Variants in PHIP observed in about 807,000 individuals in gnomAD.
The protein encoded by PHIP is PH-interacting protein.
A neutral mutation model predicts 236.8 loss-of-function variants in PHIP; 54 were observed. That is an observed-to-expected ratio of 0.23 (90% CI 0.18 to 0.29). The LOEUF (loss-of-function observed/expected upper bound fraction) is 0.29, where lower values mean the gene tolerates loss of function less well. Among genes scored for constraint, PHIP ranks in the 10% least tolerant of loss-of-function variants. The pLI is 1.00. For missense variants in PHIP, 1,370 were observed against 2,190.8 expected, an observed-to-expected ratio of 0.63 and a Z score of 7.48; for synonymous variants, 756 against 718.9, an observed-to-expected ratio of 1.05 and a Z score of -0.83.
At chr6:78,963,485 T>G (rs1385817566) in intron 29 of PHIP, among the ~76,000 whole-genome samples, 1 of 152,126 alleles carries the variant, frequency 6.6e-6, no homozygotes, top group African/African-American at 2.4e-5. Flanking sequence ...AAATTATACC[T>G]GAAAATCTGC....
chr6:79,067,628 C>G (rs1349657853), intron 4 of PHIP: 1 of 152,254 alleles, frequency 6.6e-6, no homozygotes. Context: ...TAATGGCCTT[C>G]CAAAAACAGA....
intron 19 of PHIP, among the ~76,000 whole-genome samples, chr6:78,995,622 T>C (rs1769557969): frequency 6.6e-6 from 1 of 152,258 alleles, no homozygotes; most frequent in South Asian, 2.1e-4. Context: ...TAGTGGTTAA[T>C]GACATTGATT....
chr6:78,957,551 T>C (rs1436786845), intron 32 of PHIP: 1 of 150,794 alleles, frequency 6.6e-6, no homozygotes, highest in Non-Finnish European at 1.5e-5. Flanking sequence ...ATTATGTCCA[T>C]TAATGAGAAT....
In PHIP at chr6:78,982,904, G is replaced by A. The variant is rs776946064; in HGVS notation, c.2751C>T (p.Pro917=). Reference sequence around the variant, plus strand: ...ACCAAACCTTTTGTTTTCTTTCTTTGGGCTTCTTTTTCTTTGGTGATATTG... The same window carrying A: ...ACCAAACCTTTTGTTTTCTTTCTTTAGGCTTCTTTTTCTTTGGTGATATTG... ...DGPISPKKKK[P]KERKQKRLAV... is the part of the protein sequence containing the mutation. Residue 917 remains proline, a synonymous_variant, in exon 23 of 40, where the codon CCC becomes CCT. Coordinates refer to ENST00000275034, the MANE Select transcript of PHIP (RefSeq NM_017934.7). 6 of 1,560,880 alleles carry A rather than the reference G, an allele frequency of 3.8e-6. No individual in the cohort carries two copies. The African/African-American group carries it at 7.0e-5, about 18-fold the overall frequency.
At chr6:78,952,815 C>T (rs1392525285) in intron 35 of PHIP, among the ~76,000 whole-genome samples, 2 of 151,222 alleles carry the variant, frequency 1.3e-5, no homozygotes, top group African/African-American at 4.9e-5. Flanking sequence ...TTCATTTATT[C>T]CTTTAACCAA....
At position 78,945,317 on chromosome 6, in the gene PHIP, G is replaced by A. The variant is rs1445812742; in HGVS notation, c.4811C>T (p.Ser1604Leu). 5.0e-6 allele frequency: 8 copies of A among 1,610,698 alleles called. No individual in the cohort carries two copies. The highest frequency in any genetic ancestry group is 6.8e-6 in the Non-Finnish European group (8 of 1,177,000). ...LPKASTLSKS[S>L]AVIEQGDCKN... ...TACCTTACCTTGCTCAATGACAGCT[G>A]ATGACTTTGAAAGAGTGGACGCCTT... The change falls in exon 39 of 40, where the codon TCA (serine) becomes TTA (leucine). Residue 1604 changes from serine to leucine, a missense_variant. By Grantham distance (145) the Ser-to-Leu change is moderately radical. Transcript: ENST00000275034.
chr6:79,052,772 C>T (rs1772861318), intron 6 of PHIP, among the ~76,000 whole-genome samples: 1 of 152,114 alleles, frequency 6.6e-6, no homozygotes, highest in Non-Finnish European at 1.5e-5. Flanking sequence ...GAAAAGAACA[C>T]ACCATGTTTC....
At chr6:79,074,476 T>C (rs1435957166) in intron 4 of PHIP, among the ~76,000 whole-genome samples, 4 of 152,106 alleles carry the variant, frequency 2.6e-5, no homozygotes, top group Admixed American at 2.0e-4. Flanking sequence ...AAGTTTTTTA[T>C]TCTACAGTTT....
intron 9 of PHIP, among the ~76,000 whole-genome samples, chr6:79,022,668 C>T (rs1771178310): frequency 6.6e-6 from 1 of 152,176 alleles, no homozygotes; most frequent in South Asian, 2.1e-4. Flanking sequence ...AGTCTCTTTA[C>T]ACCTAAGTCT....
chr6:79,015,513 G>A (rs982009100), intron 14 of PHIP, 117 bp downstream of exon 14: 16 of 772,410 alleles, frequency 2.1e-5, no homozygotes, highest in Admixed American at 1.1e-4. Context: ...TCACAAAGCC[G>A]TTACCCCAGC....
In PHIP at chr6:79,043,795, CATT is replaced by C. The variant is rs1388032055; in HGVS notation, c.440-795_440-793del. The stretch of plus-strand genomic sequence containing the variant: ...ATATATGTTGACTGATCTGCAGGCA[CATT>C]ATTAACCTACAGATGATCTTCTAAT... On this transcript the variant is annotated intron_variant, in intron 6 of 39. Transcript: ENST00000275034. 2.7e-5 allele frequency among the ~76,000 whole-genome samples: 4 copies of C among 149,866 alleles called. No individual in the cohort carries two copies. The South Asian group carries it at 6.3e-4, about 24-fold the overall frequency.
intron 21 of PHIP, among the ~76,000 whole-genome samples, chr6:78,985,777 G>A (rs2127720165): frequency 6.6e-6 from 1 of 152,236 alleles, no homozygotes; most frequent in Admixed American, 6.5e-5. Context: ...AGGAGGCGGA[G>A]GTTGCCGTGA....
chr6:79,023,344 T>G (rs1423081049), intron 9 of PHIP, among the ~76,000 whole-genome samples: 3 of 152,084 alleles, frequency 2.0e-5, no homozygotes, highest in African/African-American at 7.2e-5. Context: ...GTGATCCTCC[T>G]TCCTTGACCT....
intron 7 of PHIP, among the ~76,000 whole-genome samples, chr6:79,041,907 A>T (rs1408310424): frequency 6.6e-6 from 1 of 151,982 alleles, no homozygotes; most frequent in African/African-American, 2.4e-5. Flanking sequence ...GATAGAGGAG[A>T]AGTAGTAGGT....
At chr6:78,975,759 G>A (rs1310245216) in intron 24 of PHIP, among the ~76,000 whole-genome samples, 1 of 151,822 alleles carries the variant, frequency 6.6e-6, no homozygotes, top group African/African-American at 2.4e-5. Flanking sequence ...AATCATGAGT[G>A]AACTCCCATT....
chr6:78,996,088 A>G (rs1769597138), intron 19 of PHIP, among the ~76,000 whole-genome samples: 1 of 152,214 alleles, frequency 6.6e-6, no homozygotes, highest in Non-Finnish European at 1.5e-5. Flanking sequence ...AGGAGCCTCA[A>G]CCTACAACTA....
chr6:78,958,616 T>C lies in PHIP; in HGVS notation c.3657-16A>G, dbSNP rs1395784253. 9 of 1,492,946 alleles carry C rather than the reference T, an allele frequency of 6.0e-6. No homozygotes were observed. Among genetic ancestry groups the C allele is most frequent in the African/African-American group, 2.8e-5 (2 of 71,706 alleles). 92.5% of individuals were successfully genotyped at this position (1,492,946 alleles called of 1,614,324 possible). On this transcript the variant is annotated splice_polypyrimidine_tract_variant and intron_variant, in intron 31 of 39. Transcript: ENST00000275034. ...AGAAACCCGCCTTAAAAAAACAAAA[T>C]ATAGAAGTTTTAACTTCCTTATATT...
At chr6:79,026,345 T>C (rs1771398854) in intron 7 of PHIP, among the ~76,000 whole-genome samples, 181 bp from the exon 8 acceptor site, 1 of 152,232 alleles carries the variant, frequency 6.6e-6, no homozygotes, top group African/African-American at 2.4e-5. Context: ...AAAAGAGCAC[T>C]TGTGTACTCA....
intron 9 of PHIP, among the ~76,000 whole-genome samples, chr6:79,021,838 A>C (rs1771130444): frequency 2.0e-5 from 3 of 152,132 alleles, no homozygotes; most frequent in African/African-American, 7.2e-5. Context: ...TATAATCAAT[A>C]GTAGTTATAC....
Sources: allele counts gnomAD v4.1 joint callset (sites outside exome capture counted in the v4.1 genomes callset), GRCh38; gene constraint gnomAD v4.1.1; transcripts MANE v1.5; gene names NCBI Gene and HGNC (gene_info 2026-07-23, HGNC 2026-07-21).